Variants in ATP1A4 observed in about 807,000 individuals in gnomAD.
ATP1A4 encodes ATPase Na+/K+ transporting subunit alpha 4, also known as sodium/potassium-transporting ATPase subunit alpha-4.
A neutral mutation model predicts 114.3 loss-of-function variants in ATP1A4; 90 were observed. The observed-to-expected ratio is 0.79, with a 90% CI of 0.66 to 0.94. ATP1A4 has a LOEUF of 0.94. ATP1A4 is among the 40% of genes least tolerant of loss of function. The pLI is 0.00. For missense variants in ATP1A4, 1,222 were observed against 1,313.6 expected, an observed-to-expected ratio of 0.93 and a Z score of 1.08; for synonymous variants, 511 against 494.1, an observed-to-expected ratio of 1.03 and a Z score of -0.45.
chr1:160,159,242 G>A (rs1175557521), intron 5 of ATP1A4, 106 bp downstream of exon 5: 42 of 1,478,686 alleles, frequency 2.8e-5, no homozygotes, highest in Non-Finnish European at 3.7e-5. Context: ...AGAATCTTGA[G>A]AAGTTACAAG....
At chr1:160,164,012 A>G in intron 6 of ATP1A4, 144 bp from the exon 7 acceptor site, 1 of 1,103,054 alleles carries the variant, frequency 9.1e-7, no homozygotes, top group Non-Finnish European at 1.3e-6. Flanking sequence ...GTCAAAGACC[A>G]AATATTAGAA....
intron 21 of ATP1A4, 43 bp downstream of exon 21, chr1:160,186,410 C>A: frequency 2.1e-6 from 3 of 1,442,254 alleles, no homozygotes; most frequent in Non-Finnish European, 1.9e-6. Context: ...TGGTCACCAG[C>A]CCCCTCACTA....
At chr1:160,158,440 G>A (rs1374829024) in intron 4 of ATP1A4, among the ~76,000 whole-genome samples, 1 of 152,034 alleles carries the variant, frequency 6.6e-6, no homozygotes, top group Non-Finnish European at 1.5e-5. Flanking sequence ...GTAGTGATGT[G>A]ATCACGGCTC....
chr1:160,179,966 T>A (rs1362232845), intron 18 of ATP1A4, among the ~76,000 whole-genome samples: 1 of 152,036 alleles, frequency 6.6e-6, no homozygotes, highest in Non-Finnish European at 1.5e-5. Flanking sequence ...TTGGAAAGGA[T>A]AATATCTAGA....
In ATP1A4 at chr1:160,164,307, T is replaced by A. The variant is rs780871605; in HGVS notation, c.930T>A (p.Leu310=). The A allele has an allele frequency of 6.2e-7, 1 of 1,614,194 alleles. No individual in the cohort carries two copies. Among genetic ancestry groups the A allele is most frequent in the Admixed American group, 1.7e-5 (1 of 60,026 alleles). ...TGATCACTGTGGTGGCCGTCTTCCT[T>A]GGTGTCACTTTTTTTGCGCTCTCAC... ...IHLITVVAVF[L]GVTFFALSLL... Residue 310 remains leucine (L), a synonymous_variant, in exon 7 of 22, where the codon CTT becomes CTA. Coordinates refer to ENST00000368081, the MANE Select transcript of ATP1A4 (RefSeq NM_144699.4).
rs371935278 is a variant in ATP1A4, at chr1:160,153,155, G to C, written c.148-10G>C. The C allele has an allele frequency of 8.1e-6, 13 of 1,613,486 alleles. No homozygotes were observed. The East Asian group carries it at 2.7e-4, about 33-fold the overall frequency. On this transcript the variant is annotated splice_polypyrimidine_tract_variant and intron_variant, in intron 1 of 21. Coordinates refer to ENST00000368081, the MANE Select transcript of ATP1A4 (RefSeq NM_144699.4). The stretch of plus-strand genomic sequence containing the variant: ...CCCCCTGTCCCTCAATGCCTCTACT[G>C]TCCCCTCAGGATGATCACAAATTAA...
rs149500635 is a variant in ATP1A4, at chr1:160,184,413, G to A, written c.2970-1863G>A. 5.2e-3 allele frequency among the ~76,000 whole-genome samples: 783 copies of A among 151,978 alleles called. 10 individuals are homozygous for A. The highest frequency in any genetic ancestry group is 0.018 in the African/African-American group (743 of 41,470). Reference sequence around the variant, plus strand: ...AATTTAAAACTTAGCCAGGTGTAGCGGTGCACACTGACGGTCCCAGCTACT... The same window carrying A: ...AATTTAAAACTTAGCCAGGTGTAGCAGTGCACACTGACGGTCCCAGCTACT... On this transcript the variant is annotated intron_variant, in intron 20 of 21. Transcript: ENST00000368081.
intron 2 of ATP1A4, among the ~76,000 whole-genome samples, chr1:160,154,736 G>A (rs1386727696): frequency 6.6e-6 from 1 of 152,144 alleles, no homozygotes; most frequent in Admixed American, 6.5e-5. Flanking sequence ...AGCACCTTAA[G>A]GGTAGGGACC....
At chr1:160,167,166 TC>T in intron 9 of ATP1A4, 89 bp downstream of exon 9, 2 of 1,565,202 alleles carry the variant, frequency 1.3e-6, no homozygotes, top group South Asian at 1.1e-5. Flanking sequence ...CTCAGTAATT[TC>T]CCCCCAGGTA....
In ATP1A4 at chr1:160,182,008, G is replaced by A. The variant is rs1371465225; in HGVS notation, c.2946G>A (p.Val982=). ...AFLSYTPGMD[V]ALRMYPLKIT... ...TGTCCTACACTCCAGGCATGGACGT[G>A]GCCCTGCGAATGTACCCACTCAAGT... Residue 982 remains valine, a synonymous_variant, in exon 20 of 22, where the codon GTG becomes GTA. Transcript: ENST00000368081. 3 of 1,613,960 alleles carry A rather than the reference G, an allele frequency of 1.9e-6. No individual in the cohort carries two copies. Among genetic ancestry groups the A allele is most frequent in the African/African-American group, 1.3e-5 (1 of 74,894 alleles).
In ATP1A4 at chr1:160,159,522, G is replaced by A. The variant is rs1405300133; in HGVS notation, c.774G>A (p.Val258=). 1.9e-6 allele frequency: 3 copies of A among 1,611,524 alleles called. No homozygotes were observed. The African/African-American group carries it at 4.0e-5, about 22-fold the overall frequency. ...RNICFFSTNC[V]EGTARGIVIA... ...TCTGCTTCTTTTCCACCAACTGTGTGGAAGGTGAATATCGAACCATAAGTA... is the reference window on the plus strand; with the variant it reads ...TCTGCTTCTTTTCCACCAACTGTGTAGAAGGTGAATATCGAACCATAAGTA... The change falls in exon 6 of 22, where the codon GTG becomes GTA. Residue 258 remains valine, a synonymous_variant. Transcript: ENST00000368081.
intron 4 of ATP1A4, among the ~76,000 whole-genome samples, chr1:160,158,706 C>T (rs1652761236): frequency 6.6e-6 from 1 of 152,142 alleles, no homozygotes; most frequent in Non-Finnish European, 1.5e-5. Flanking sequence ...ACTCCTCTTT[C>T]CATCACATTC....
At chr1:160,186,578 C>G (rs755898680) in intron 21 of ATP1A4, 93 bp from the exon 22 acceptor site, 34 of 1,462,874 alleles carry the variant, frequency 2.3e-5, no homozygotes, top group Non-Finnish European at 3.1e-5. Context: ...GACCTCCCAC[C>G]TCCAACCTTG....
At chr1:160,181,905 C>G (rs1653722064) in intron 19 of ATP1A4, 25 bp from the exon 20 acceptor site, 4 of 1,613,612 alleles carry the variant, frequency 2.5e-6, no homozygotes, top group South Asian at 2.2e-5. Flanking sequence ...CCCTCCCCGC[C>G]ACACCCATGA....
Position 160,186,919 on chromosome 1 carries a change from G to A in ATP1A4, c.*220G>A, listed in dbSNP as rs1365153360. Reference sequence around the variant, plus strand: ...TCTAGCTGGAGCCCCGCAGGGAGGGGCATGGTCCTGCTGAATCCCGTAGCC... The same window carrying A: ...TCTAGCTGGAGCCCCGCAGGGAGGGACATGGTCCTGCTGAATCCCGTAGCC... On this transcript the variant is annotated 3_prime_UTR_variant, in exon 22 of 22. Coordinates refer to ENST00000368081, the MANE Select transcript of ATP1A4 (RefSeq NM_144699.4). 10 of 606,914 alleles carry A rather than the reference G, an allele frequency of 1.6e-5. No homozygotes were observed. Among genetic ancestry groups the A allele is most frequent in the Non-Finnish European group, 3.0e-5 (10 of 337,800 alleles). The allele number at this position is 606,914 out of a possible 1,614,324, so 37.6% of individuals were successfully genotyped here. A position where few individuals can be genotyped will look rare whatever the true frequency, so the allele number is the denominator to read the frequency against.
Position 160,186,313 on chromosome 1 carries a change from CT to C in ATP1A4, c.3008del (p.Leu1003ProfsTer32). The C allele has an allele frequency of 6.2e-7, 1 of 1,613,718 alleles. No homozygotes were observed. Among genetic ancestry groups the C allele is most frequent in the Non-Finnish European group, 8.5e-7 (1 of 1,179,984 alleles). On this transcript the variant is annotated frameshift_variant, in exon 21 of 22. Transcript: ENST00000368081. LOFTEE classifies it high-confidence loss of function. ...GCTCTGTGCCATTCCCTACAGTATTCTCATCTTCGTCTATGATGAAATCAGA... is the reference window on the plus strand; with the variant it reads ...GCTCTGTGCCATTCCCTACAGTATTCCATCTTCGTCTATGATGAAATCAGA... ...WWLCAIPYSI[L>X]IFVYDEIRKL...
Position 160,154,936 on chromosome 1 carries a change from G to C in ATP1A4, c.208-109G>C, listed in dbSNP as rs574204019. ...ACTTCCAGACTGACCTTCTGAAAGCGTCTTTAGTCTCTAGACCCATTCTGG... is the reference window on the plus strand; with the variant it reads ...ACTTCCAGACTGACCTTCTGAAAGCCTCTTTAGTCTCTAGACCCATTCTGG... On this transcript the variant is annotated intron_variant, in intron 2 of 21. Transcript: ENST00000368081. 12 of 983,700 alleles carry C rather than the reference G, an allele frequency of 1.2e-5. No homozygotes were observed. In the Admixed American group the frequency reaches 2.6e-4, roughly 22 times the overall value. The allele number at this position is 983,700 out of a possible 1,614,324, so 60.9% of individuals were successfully genotyped here. A position where few individuals can be genotyped will look rare whatever the true frequency, so the allele number is the denominator to read the frequency against.
rs577822353 is a variant in ATP1A4 at position 160,164,371 on chromosome 1, C to A, written c.994C>A (p.Leu332Ile). ...TGGTTGGCTGGAGGCTATCATTTTTCTCATTGGCATCATTGTGGCCAATGT... is the reference window on the plus strand; with the variant it reads ...TGGTTGGCTGGAGGCTATCATTTTTATCATTGGCATCATTGTGGCCAATGT... ...GYGWLEAIIF[L>I]IGIIVANVPE... Residue 332 changes from leucine (L) to isoleucine (I), a missense_variant, in exon 7 of 22, where the codon CTC (leucine) becomes ATC (isoleucine). Coordinates refer to ENST00000368081, the MANE Select transcript of ATP1A4 (RefSeq NM_144699.4). 23 of 1,614,168 alleles carry A rather than the reference C, an allele frequency of 1.4e-5. No homozygotes were observed. The Admixed American group carries it at 1.5e-4, about 11-fold the overall frequency.
At chr1:160,166,828 A>G (rs1653057886) in intron 8 of ATP1A4, 102 bp downstream of exon 8, 2 of 1,542,192 alleles carry the variant, frequency 1.3e-6, no homozygotes, top group Non-Finnish European at 1.8e-6. Context: ...GGGAGCCTGA[A>G]AGTGGAGTGG....
Sources: gnomAD v4.1 joint callset for allele counts (sites outside exome capture counted in the v4.1 genomes callset) on GRCh38, gnomAD v4.1.1 for gene constraint, MANE v1.5 for transcripts, NCBI Gene and HGNC (gene_info 2026-07-23, HGNC 2026-07-21) for gene names.